Variants in RBL1 observed in about 807,000 individuals in gnomAD.
RBL1 encodes the protein RB transcriptional corepressor like 1, also known as retinoblastoma-like protein 1.
Under a neutral mutation model 123.0 loss-of-function variants are expected in RBL1, and 82 were observed. The observed-to-expected ratio is 0.67, with a 90% CI of 0.56 to 0.80. The LOEUF is 0.80. RBL1 is among the 30% of genes least tolerant of loss of function. RBL1 has a pLI of 0.00. For missense variants in RBL1, 1,171 were observed against 1,299.6 expected (o/e 0.90, Z 1.52); for synonymous variants, 405 against 441.3 (o/e 0.92, Z 1.03).
intron 7 of RBL1, among the ~76,000 whole-genome samples, chr20:37,063,372 G>C (rs2065126721): frequency 6.6e-6 from 1 of 152,072 alleles, no homozygotes; most frequent in Admixed American, 6.6e-5. Flanking sequence ...CATTTGGCTG[G>C]GTGTGGTGGG....
chr20:37,028,303 T>A (rs1259485855), intron 16 of RBL1, among the ~76,000 whole-genome samples: 3 of 152,104 alleles, frequency 2.0e-5, no homozygotes. Flanking sequence ...AGACAGAAGC[T>A]GTAGTGAGCC....
chr20:37,062,759 T>C (rs1195925952), intron 7 of RBL1, among the ~76,000 whole-genome samples: 4 of 150,596 alleles, frequency 2.7e-5, no homozygotes, highest in Admixed American at 6.6e-5. Context: ...ATCAAGACTA[T>C]CCTGGCTAAC....
intron 2 of RBL1, among the ~76,000 whole-genome samples, chr20:37,087,041 A>G (rs1271950177): frequency 6.6e-6 from 1 of 152,232 alleles, no homozygotes; most frequent in Non-Finnish European, 1.5e-5. Flanking sequence ...ACCATCTATT[A>G]AAAGAGGGGA....
At position 37,002,111 on chromosome 20, in the gene RBL1, C is replaced by G. The variant is rs1245191599; in HGVS notation, c.3036+1591G>C. 3.3e-5 allele frequency among the ~76,000 whole-genome samples: 5 copies of G among 152,100 alleles called. No individual in the cohort carries two copies. The East Asian group carries it at 5.8e-4, about 18-fold the overall frequency. ...TGCAGGGCATGATCTTGGCTCACTG[C>G]AAGCTCTGCCTCCTGGGCTCAAGCT... On this transcript the variant is annotated intron_variant, in intron 21 of 21. Transcript: ENST00000373664.
intron 16 of RBL1, among the ~76,000 whole-genome samples, chr20:37,029,842 A>G (rs2064479244): frequency 6.6e-6 from 1 of 152,246 alleles, no homozygotes; most frequent in Non-Finnish European, 1.5e-5. Context: ...ATTACTTACA[A>G]TAGCATCAAA....
intron 13 of RBL1, among the ~76,000 whole-genome samples, chr20:37,042,740 A>C (rs2064748482): frequency 6.6e-6 from 1 of 151,846 alleles, no homozygotes; most frequent in Non-Finnish European, 1.5e-5. Context: ...CCATCTCTAC[A>C]AAAACTACAA....
chr20:37,071,892 C>G (rs186514218), intron 2 of RBL1, among the ~76,000 whole-genome samples: 1 of 152,148 alleles, frequency 6.6e-6, no homozygotes, highest in Non-Finnish European at 1.5e-5. Flanking sequence ...CTTCCTGAGG[C>G]CCTCACCAGG....
intron 7 of RBL1, among the ~76,000 whole-genome samples, chr20:37,063,512 G>T (rs530247931): frequency 2.6e-4 from 39 of 152,010 alleles, no homozygotes; most frequent in African/African-American, 8.7e-4. Context: ...ACGTGTCAAT[G>T]ATTTTTTTTC....
intron 11 of RBL1, among the ~76,000 whole-genome samples, chr20:37,048,088 A>T (rs2064845841): frequency 6.6e-6 from 1 of 152,228 alleles, no homozygotes. Context: ...AGTCATTTGT[A>T]ACTGTAAACC....
At chr20:37,013,584 A>T (rs1568822513) in intron 19 of RBL1, among the ~76,000 whole-genome samples, 1 of 136,836 alleles carries the variant, frequency 7.3e-6, no homozygotes, top group Non-Finnish European at 1.5e-5. Context: ...AGAATGATCA[A>T]TAAAAAAAAA....
intron 2 of RBL1, among the ~76,000 whole-genome samples, chr20:37,070,310 G>A (rs1020555127): frequency 6.6e-5 from 10 of 152,048 alleles, no homozygotes; most frequent in Non-Finnish European, 1.2e-4. Context: ...CTAATCGCAA[G>A]TTCCCAGGGA....
intron 11 of RBL1, chr20:37,049,686 C>G: frequency 1.4e-6 from 1 of 739,294 alleles, no homozygotes; most frequent in South Asian, 1.4e-5. Flanking sequence ...CTTACTGCTT[C>G]AACAAACCAG....
At chr20:37,081,858 G>C (rs1276426577) in intron 2 of RBL1, 1 of 353,340 alleles carries the variant, frequency 2.8e-6, no homozygotes. Context: ...ACCAAAATTA[G>C]GAAGATTTGA....
chr20:37,049,767 A>G (rs1338898567), intron 11 of RBL1: 2 of 521,590 alleles, frequency 3.8e-6, no homozygotes, highest in East Asian at 6.1e-5. Flanking sequence ...AATATTTTTT[A>G]GAGAGAGAAA....
chr20:36,999,470 T>C (rs1320596442), intron 21 of RBL1, among the ~76,000 whole-genome samples: 2 of 145,022 alleles, frequency 1.4e-5, no homozygotes, highest in Non-Finnish European at 3.0e-5. Flanking sequence ...CCTCTCCCTC[T>C]CCCTCCTCTC....
At chr20:37,090,528 AATTAAT>A (rs1418242059) in intron 1 of RBL1, among the ~76,000 whole-genome samples, 2 of 152,216 alleles carry the variant, frequency 1.3e-5, no homozygotes, top group Non-Finnish European at 1.5e-5. Flanking sequence ...ACACATAAAA[AATTAAT>A]ATTAATCTTA....
chr20:37,044,317 A>G, intron 12 of RBL1, 67 bp from the exon 13 acceptor site: 1 of 1,471,444 alleles, frequency 6.8e-7, no homozygotes. Context: ...ACTTGCATGT[A>G]GGACTAGCTG....
At chr20:37,059,750 T>C (rs1302034671) in intron 9 of RBL1, among the ~76,000 whole-genome samples, 1 of 152,154 alleles carries the variant, frequency 6.6e-6, no homozygotes, top group Non-Finnish European at 1.5e-5. Context: ...TGATAAATAT[T>C]TTGCTGGTTT....
chr20:37,018,376 G>C lies in RBL1; in HGVS notation c.2632-7C>G, dbSNP rs2064289865. 1.3e-6 allele frequency: 2 copies of C among 1,596,914 alleles called. No homozygotes were observed. The highest frequency in any genetic ancestry group is 1.7e-6 in the Non-Finnish European group (2 of 1,174,492). On this transcript the variant is annotated splice_region_variant and splice_polypyrimidine_tract_variant and intron_variant, in intron 18 of 21. Coordinates refer to ENST00000373664, the MANE Select transcript of RBL1 (RefSeq NM_002895.5). ...GCAGAACACTTCTATATACCTACATGCCAGAGGGGAAGAAAAGGACAGCTC... is the reference window on the plus strand; with the variant it reads ...GCAGAACACTTCTATATACCTACATCCCAGAGGGGAAGAAAAGGACAGCTC...
Sources: allele counts gnomAD v4.1 joint callset (sites outside exome capture counted in the v4.1 genomes callset), GRCh38; gene constraint gnomAD v4.1.1; transcripts MANE v1.5; gene names NCBI Gene and HGNC (gene_info 2026-07-23, HGNC 2026-07-21).